The following NAV3 variants were observed in gnomAD, a reference collection of about 807,000 sequenced individuals.
NAV3 encodes pore membrane and/or filament interacting like protein 1.
A neutral mutation model predicts 244.7 loss-of-function variants in NAV3; 87 were observed. That is an observed-to-expected ratio of 0.36 (90% CI 0.30 to 0.42). NAV3 has a LOEUF of 0.42. Ranked by LOEUF, NAV3 falls within the 20% of genes least tolerant of loss-of-function variation. NAV3 has a pLI of 1.00. For missense variants in NAV3, 2,663 were observed against 2,893.3 expected, an observed-to-expected ratio of 0.92 and a Z score of 1.83; for synonymous variants, 1,126 against 1,042.2, an observed-to-expected ratio of 1.08 and a Z score of -1.55.
chr12:77,776,624 T>A (rs1870371554), intron 2 of NAV3, among the ~76,000 whole-genome samples: 1 of 152,206 alleles, frequency 6.6e-6, no homozygotes, highest in African/African-American at 2.4e-5. Context: ...CTATCTAGGC[T>A]CACTAAAAGC....
upstream of NAV3, among the ~76,000 whole-genome samples, chr12:77,830,055 T>C (rs954916034): frequency 6.6e-6 from 1 of 152,222 alleles, no homozygotes; most frequent in Non-Finnish European, 1.5e-5. Flanking sequence ...TTCAGAACAA[T>C]AATGCATGGT....
intron 2 of NAV3, among the ~76,000 whole-genome samples, chr12:77,794,617 T>TA (rs1466062733): frequency 6.6e-5 from 10 of 152,202 alleles, no homozygotes; most frequent in Admixed American, 5.2e-4. Context: ...TTGCATTTTT[T>TA]AAAAAAACTA....
intron 1 of NAV3, among the ~76,000 whole-genome samples, chr12:77,908,431 A>T (rs76746607): frequency 6.6e-6 from 1 of 152,070 alleles, no homozygotes; most frequent in Non-Finnish European, 1.5e-5. Flanking sequence ...CCAAATGGGC[A>T]TCACTTACCA....
intron 1 of NAV3, among the ~76,000 whole-genome samples, chr12:77,907,226 C>T (rs565311353): frequency 4.6e-5 from 7 of 152,212 alleles, no homozygotes; most frequent in South Asian, 2.1e-4. Context: ...GAAGGAAGAG[C>T]GTGTACAAGG....
intron 28 of NAV3, among the ~76,000 whole-genome samples, chr12:78,178,578 G>A (rs559311164): frequency 2.5e-3 from 385 of 152,158 alleles, no homozygotes; most frequent in African/African-American, 8.4e-3. Flanking sequence ...AACACATTTC[G>A]AATATAGAAA....
In NAV3 at chr12:77,882,742, C is replaced by G. The variant is rs1882812900; in HGVS notation, c.243+51038C>G. Among the ~76,000 whole-genome samples, 3 of 151,978 alleles carry G rather than the reference C, an allele frequency of 2.0e-5. No individual in the cohort carries two copies. The South Asian group carries it at 6.2e-4, about 32-fold the overall frequency. ...ATTTAAACAATTCAACAAACAAAAACAAGTAACTCTATTAAAAATGAGCAA... is the reference window on the plus strand; with the variant it reads ...ATTTAAACAATTCAACAAACAAAAAGAAGTAACTCTATTAAAAATGAGCAA... On this transcript the variant is annotated intron_variant, in intron 1 of 39. Coordinates refer to ENST00000397909, the MANE Select transcript of NAV3 (RefSeq NM_001024383.2).
chr12:77,870,363 C>CA (rs34447700), intron 1 of NAV3, among the ~76,000 whole-genome samples: 2,274 of 109,474 alleles, frequency 0.021, 38 homozygotes, highest in Non-Finnish European at 0.031. Flanking sequence ...GACTCCATCT[C>CA]AAAAAAAAAA....
intron 2 of NAV3, among the ~76,000 whole-genome samples, chr12:77,770,106 G>C (rs1869999943): frequency 6.6e-6 from 1 of 152,152 alleles, no homozygotes; most frequent in South Asian, 2.1e-4. Flanking sequence ...GAAAATGTAA[G>C]GCTAGAGCTC....
chr12:78,168,837 C>T lies in NAV3; in HGVS notation c.4952C>T (p.Ala1651Val). The part of the protein sequence containing the change: ...NSAAQAAIQG[A>V]LNGPDHPPKD... Reference sequence around the variant, plus strand: ...GCTGCCCAGGCGGCTATTCAGGGAGCACTGAATGGTCCAGACCATCCTCCC... The same window carrying T: ...GCTGCCCAGGCGGCTATTCAGGGAGTACTGAATGGTCCAGACCATCCTCCC... The change falls in exon 24 of 40, where the codon GCA becomes GTA. Residue 1651 changes from alanine to valine, a missense_variant. Ala to Val is a moderately conservative substitution (Grantham distance 64). Around this residue, in one of 6 missense-constraint regions of NAV3, gnomAD observed 193 missense variants for 200.7 expected, o/e 0.96. Transcript: ENST00000397909. The T allele has an allele frequency of 4.3e-6, 7 of 1,610,282 alleles. No individual in the cohort carries two copies. The highest frequency in any genetic ancestry group is 5.9e-6 in the Non-Finnish European group (7 of 1,177,528).
At chr12:77,857,270 G>A (rs1278196573) in intron 1 of NAV3, among the ~76,000 whole-genome samples, 1 of 151,944 alleles carries the variant, frequency 6.6e-6, no homozygotes, top group African/African-American at 2.4e-5. Flanking sequence ...GTTTTTATAA[G>A]AGTTAGACAT....
At position 78,002,399 on chromosome 12, in the gene NAV3, A is replaced by G. The variant is rs373403235; in HGVS notation, c.880+3923A>G. 5.3e-5 allele frequency among the ~76,000 whole-genome samples: 8 copies of G among 152,296 alleles called. No homozygotes were observed. In the East Asian group the frequency reaches 7.7e-4, roughly 15 times the overall value. ...GCTTCCTTCTCTTTGTCTAGATTCT[A>G]ATCAGGTGTCTTCTGGTGTGGAAGC... On this transcript the variant is annotated intron_variant, in intron 7 of 39. Coordinates refer to ENST00000397909, the MANE Select transcript of NAV3 (RefSeq NM_001024383.2).
rs542404977 is a variant in NAV3 at position 77,686,168 on chromosome 12, C to T, written c.72+113902C>T. ...GTATGTATTTTGCAATCTCAGTTCA[C>T]TGCAACCACTGCCTCCTGGGTTTAA... On this transcript the variant is annotated intron_variant, in intron 2 of 8. Coordinates refer to the NAV3 transcript ENST00000550042. 7.5e-4 allele frequency among the ~76,000 whole-genome samples: 114 copies of T among 152,288 alleles called. 1 individual carries two copies. Among genetic ancestry groups the T allele is most frequent in the African/African-American group, 2.6e-3 (109 of 41,574 alleles).
chr12:77,892,997 C>T (rs1884132914), intron 1 of NAV3, among the ~76,000 whole-genome samples: 1 of 152,162 alleles, frequency 6.6e-6, no homozygotes, highest in Non-Finnish European at 1.5e-5. Context: ...GAGATTCCTT[C>T]TGTGCCATTG....
intron 2 of NAV3, among the ~76,000 whole-genome samples, chr12:77,655,769 CT>C (rs1873069404): frequency 6.6e-6 from 1 of 152,164 alleles, no homozygotes; most frequent in Admixed American, 6.5e-5. Flanking sequence ...TTGGCAGAAA[CT>C]CTATAAGCCA....
chr12:77,711,552 G>T (rs1876112427), intron 2 of NAV3, among the ~76,000 whole-genome samples: 1 of 152,218 alleles, frequency 6.6e-6, no homozygotes, highest in African/African-American at 2.4e-5. Context: ...TTACAAACAG[G>T]ATCTGGTCCT....
At chr12:77,628,812 G>A (rs1333998669) in intron 2 of NAV3, among the ~76,000 whole-genome samples, 1 of 150,334 alleles carries the variant, frequency 6.7e-6, no homozygotes, top group Non-Finnish European at 1.5e-5. Flanking sequence ...AATCCCCTGA[G>A]CCCAGGAACT....
At chr12:77,650,210 G>A (rs1345991349) in intron 2 of NAV3, among the ~76,000 whole-genome samples, 2 of 152,136 alleles carry the variant, frequency 1.3e-5, no homozygotes, top group Non-Finnish European at 2.9e-5. Context: ...TGTTCCTTAC[G>A]CAAATAATCA....
chr12:77,741,732 A>G (rs1565794280), intron 2 of NAV3, among the ~76,000 whole-genome samples: 1 of 152,152 alleles, frequency 6.6e-6, no homozygotes, highest in East Asian at 1.9e-4. Context: ...TCCCCTTAAA[A>G]TTGTAGACAC....
chr12:77,573,638 A>G (rs746969909), intron 2 of NAV3, among the ~76,000 whole-genome samples: 1 of 152,188 alleles, frequency 6.6e-6, no homozygotes, highest in Non-Finnish European at 1.5e-5. Context: ...ATTCTCTGCA[A>G]TTTAACTACT....
Sources: allele counts gnomAD v4.1 joint callset (sites outside exome capture counted in the v4.1 genomes callset), GRCh38; gene constraint gnomAD v4.1.1; regional missense constraint gnomAD v4.1.1; transcripts MANE v1.5; gene names NCBI Gene and HGNC (gene_info 2026-07-23, HGNC 2026-07-21).